SUN1: variants seen among roughly 807,000 people sequenced by gnomAD.
SUN1 encodes the protein Sad1 and UNC84 domain containing 1, also known as SUN domain-containing protein 1.
SUN1 carries 61 observed loss-of-function variants against 103.2 expected under a neutral mutation model. The observed-to-expected ratio is 0.59, with a 90% CI of 0.48 to 0.73. SUN1 has a LOEUF of 0.73. Among genes scored for constraint, SUN1 ranks in the 30% least tolerant of loss-of-function variants. SUN1 has a pLI of 0.00. For synonymous variants in SUN1, 490 were observed against 425.7 expected (o/e 1.15, Z -1.86); for missense variants, 1,052 against 1,034.6 (o/e 1.02, Z -0.23).
At chr7:816,569 T>G, upstream of SUN1, 1 of 394,360 alleles carries the variant, frequency 2.5e-6, no homozygotes. Context: ...CCTGCGTTGC[T>G]CCCGCCCTCG....
chr7:817,383 G>C (rs1287824207), intron 1 of SUN1: 3 of 1,531,696 alleles, frequency 2.0e-6, no homozygotes, highest in Non-Finnish European at 2.6e-6. Flanking sequence ...GCCCTGTTGC[G>C]CCTTCAAAGT....
chr7:860,624 T>C (rs1184803660), intron 14 of SUN1, among the ~76,000 whole-genome samples: 2 of 152,248 alleles, frequency 1.3e-5, no homozygotes, highest in Non-Finnish European at 2.9e-5. Flanking sequence ...GGGAGTTCTT[T>C]ATACTTTGTG....
Position 873,326 on chromosome 7 carries a change from A to G in SUN1, c.2353A>G (p.Lys785Glu), listed in dbSNP as rs748378611. ...GTTCAGAGTTCATGGCGAACCTGTC[A>G]AGTGAAGACACTACTCATTATTTTT... ...YRFRVHGEPVK is the reference protein window; with the variant it reads ...YRFRVHGEPVE Residue 785 changes from lysine to glutamate, a missense_variant, in exon 19 of 19, where the codon AAG becomes GAG. By Grantham distance (56) the Lys-to-Glu change is moderately conservative (BLOSUM62 1). This residue lies in a region of SUN1 where 206 missense variants were observed against 260.1 expected (regional missense o/e 0.79). Coordinates refer to ENST00000401592, the MANE Select transcript of SUN1 (RefSeq NM_001130965.3). The G allele has an allele frequency of 8.1e-6, 13 of 1,613,376 alleles. No individual in the cohort carries two copies. The highest frequency in any genetic ancestry group is 1.1e-5 in the Non-Finnish European group (13 of 1,179,276).
At chr7:826,574 C>T (rs946995078) in intron 1 of SUN1, among the ~76,000 whole-genome samples, 1 of 152,132 alleles carries the variant, frequency 6.6e-6, no homozygotes, top group Non-Finnish European at 1.5e-5. Flanking sequence ...CTGTGTGTCC[C>T]CCCGTGGATC....
chr7:849,914 C>T (rs768801185), intron 5 of SUN1: 1 of 1,590,400 alleles, frequency 6.3e-7, no homozygotes. Context: ...CCTGTCACCA[C>T]ACCTGCAGGC....
chr7:856,875 T>C (rs559401982), intron 12 of SUN1, among the ~76,000 whole-genome samples: 1 of 152,262 alleles, frequency 6.6e-6, no homozygotes, highest in South Asian at 2.1e-4. Flanking sequence ...GGACACCTGC[T>C]TCCAGAACCA....
rs575427931 is a variant in SUN1 at position 867,101 on chromosome 7, C to T, written c.1980+1034C>T. Among the ~76,000 whole-genome samples, 3 of 152,324 alleles carry T rather than the reference C, an allele frequency of 2.0e-5. No individual in the cohort carries two copies. The East Asian group carries it at 5.8e-4, about 29-fold the overall frequency. The stretch of plus-strand genomic sequence containing the variant: ...GCCTGTGACCTGACGTTGAGGATCA[C>T]ATGGGACTGTCGTCATCATGATCTC... On this transcript the variant is annotated intron_variant, in intron 16 of 18. Transcript: ENST00000401592.
chr7:828,153 C>G (rs1281391610), upstream of SUN1, among the ~76,000 whole-genome samples: 1 of 152,046 alleles, frequency 6.6e-6, no homozygotes, highest in East Asian at 1.9e-4. Flanking sequence ...ATCCACCCAC[C>G]TCGCCCTCCC....
In SUN1 at chr7:869,400, C is replaced by G. The variant is rs1462117712; in HGVS notation, c.2032C>G (p.Leu678Val). The G allele has an allele frequency of 6.2e-7, 1 of 1,613,748 alleles. No homozygotes were observed. The highest frequency in any genetic ancestry group is 1.3e-5 in the African/African-American group (1 of 74,870). ...CWAFKGSQGY[L>V]VVRLSMMIHP... is the part of the protein sequence containing the mutation. ...GGCATTTAAAGGCTCCCAGGGGTAC[C>G]TGGTGGTGAGGCTCTCCATGATGAT... The change falls in exon 17 of 19, where the codon CTG (leucine) becomes GTG (valine). Residue 678 changes from leucine to valine, a missense_variant. Around this residue, in one of 2 missense-constraint regions of SUN1, gnomAD observed 206 missense variants for 260.1 expected, o/e 0.79. Transcript: ENST00000401592.
upstream of SUN1, among the ~76,000 whole-genome samples, chr7:831,435 C>T (rs550819735): frequency 5.6e-4 from 85 of 152,212 alleles, no homozygotes; most frequent in Admixed American, 9.2e-4. Context: ...CCACGCCTGG[C>T]TAATTTTTGT....
chr7:821,591 AAAAT>A (rs1446714711), intron 1 of SUN1, among the ~76,000 whole-genome samples: 1 of 152,192 alleles, frequency 6.6e-6, no homozygotes, highest in African/African-American at 2.4e-5. Context: ...CCAGATTCTG[AAAAT>A]AAATCCAATT....
At chr7:855,696 A>G (rs1233611867) in intron 11 of SUN1, among the ~76,000 whole-genome samples, 2 of 152,170 alleles carry the variant, frequency 1.3e-5, no homozygotes, top group African/African-American at 4.8e-5. Context: ...AGGTGGGCTG[A>G]GAGGAGCAGG....
chr7:838,379 C>T (rs1028069707), intron 1 of SUN1, among the ~76,000 whole-genome samples: 2 of 152,236 alleles, frequency 1.3e-5, no homozygotes, highest in Non-Finnish European at 2.9e-5. Context: ...TTGGCCTCCT[C>T]TCCTGCGTGG....
rs543999087 is a variant in SUN1 at position 874,394 on chromosome 7, A to T, written c.*1063A>T. The stretch of plus-strand genomic sequence containing the variant: ...ACTATTTTACTGAGCAGACTTTATA[A>T]ATGAGATATCTACAAGGCACTTAAA... On this transcript the variant is annotated 3_prime_UTR_variant, in exon 19 of 19. Transcript: ENST00000401592. 2 of 152,770 alleles carry T rather than the reference A, an allele frequency of 1.3e-5. No homozygotes were observed. Among genetic ancestry groups the T allele is most frequent in the African/African-American group, 4.8e-5 (2 of 41,576 alleles). 9.5% of individuals were successfully genotyped at this position (152,770 alleles called of 1,614,324 possible). A position where few individuals can be genotyped will look rare whatever the true frequency, so the allele number is the denominator to read the frequency against.
intron 5 of SUN1, chr7:849,728 G>A (rs752141803): frequency 1.4e-5 from 17 of 1,173,390 alleles, no homozygotes; most frequent in East Asian, 1.2e-4. Context: ...TGATGACGAC[G>A]GGCTGTTGGA....
rs116530523 is a variant in SUN1, at chr7:823,537, G to T, written c.-74+6864G>T. Reference sequence around the variant, plus strand: ...GCATGTAAATGGGTGGGGAGGAGAGGGTTCCCTGGAGCCACGGTGGATTCT... The same window carrying T: ...GCATGTAAATGGGTGGGGAGGAGAGTGTTCCCTGGAGCCACGGTGGATTCT... On this transcript the variant is annotated intron_variant, in intron 1 of 17. Transcript: ENST00000389574. Among the ~76,000 whole-genome samples the T allele has an allele frequency of 8.6e-3, 1,304 of 152,206 alleles. 18 individuals are homozygous for T. The highest frequency in any genetic ancestry group is 0.027 in the Middle Eastern group (8 of 294).
chr7:832,075 C>T (rs77390984), upstream of SUN1: 2,261 of 992,712 alleles, frequency 2.3e-3, 111 homozygotes, highest in East Asian at 0.14. Context: ...GGAACGCATA[C>T]GCTGCTGCTT....
At chr7:841,007 C>A (rs1230706424) in intron 2 of SUN1, among the ~76,000 whole-genome samples, 4 of 151,956 alleles carry the variant, frequency 2.6e-5, no homozygotes. Flanking sequence ...GATCTTGGCT[C>A]ACCGCAACCT....
chr7:815,559 G>A (rs1323453720), upstream of SUN1, among the ~76,000 whole-genome samples: 1 of 152,016 alleles, frequency 6.6e-6, no homozygotes, highest in Non-Finnish European at 1.5e-5. Flanking sequence ...CCTGGACAAC[G>A]GGAGGGAGAC....
Sources: gnomAD v4.1 joint callset for allele counts (sites outside exome capture counted in the v4.1 genomes callset) on GRCh38, gnomAD v4.1.1 for gene constraint, gnomAD v4.1.1 regional missense constraint, MANE v1.5 for transcripts, NCBI Gene and HGNC (gene_info 2026-07-23, HGNC 2026-07-21) for gene names.